Variants in LARGE1 observed in about 807,000 individuals in gnomAD.
LARGE1 encodes xylosyl- and glucuronyltransferase LARGE1.
LARGE1 carries 43 observed loss-of-function variants against 87.6 expected under a neutral mutation model. The observed-to-expected ratio is 0.49, with a 90% confidence interval of 0.38 to 0.63. LARGE1 has a LOEUF of 0.63. LARGE1 is among the 30% of genes least tolerant of loss of function. The pLI is 0.00. For synonymous variants in LARGE1, 434 were observed against 394.6 expected, an observed-to-expected ratio of 1.10 and a Z score of -1.18; for missense variants, 802 against 1,000.2, an observed-to-expected ratio of 0.80 and a Z score of 2.67.
chr22:33,119,334 T>TA, the LARGE1 span, among the ~76,000 whole-genome samples: 1,320 of 151,754 alleles, frequency 8.7e-3, 18 homozygotes, highest in African/African-American at 0.03. Flanking sequence ...CTTTTATATA[T>TA]TTTTTTTTAT....
chr22:33,166,521 T>C (rs986379062), exon 12 of LARGE1: 3 of 333,254 alleles, frequency 9.0e-6, no homozygotes, highest in Non-Finnish European at 1.8e-5. Flanking sequence ...ACCACGGGGA[T>C]GTTCACCTGG....
intron 1 of LARGE1, among the ~76,000 whole-genome samples, chr22:33,829,681 C>A (rs1009443462): frequency 6.6e-6 from 1 of 152,214 alleles, no homozygotes; most frequent in Non-Finnish European, 1.5e-5. Flanking sequence ...CCTCCTCCTC[C>A]CTGCACCTGC....
At chr22:33,652,639 C>G (rs1311909201) in intron 2 of LARGE1, among the ~76,000 whole-genome samples, 1 of 152,172 alleles carries the variant, frequency 6.6e-6, no homozygotes, top group African/African-American at 2.4e-5. Context: ...TTTTTCCATA[C>G]TTCAAGTTTT....
Position 33,274,008 on chromosome 22 carries a change from C to G in LARGE1, c.*419G>C, listed in dbSNP as rs1928648706. 1 of 336,322 alleles carries G rather than the reference C, an allele frequency of 3.0e-6. No individual in the cohort carries two copies. Among genetic ancestry groups the G allele is most frequent in the Non-Finnish European group, 5.4e-6 (1 of 185,000 alleles). The allele number at this position is 336,322 out of a possible 1,614,324, so 20.8% of individuals were successfully genotyped here. A position where few individuals can be genotyped will look rare whatever the true frequency, so the allele number is the denominator to read the frequency against. On this transcript the variant is annotated 3_prime_UTR_variant, in exon 15 of 15. Coordinates refer to ENST00000397394, the MANE Select transcript of LARGE1 (RefSeq NM_133642.5). ...TCACTTAATAAAGACAATTTCACTT[C>G]TATTTCCTGGGACGAATAACCCCTA...
At position 33,702,437 on chromosome 22, in the gene LARGE1, T is replaced by C. The variant is rs891527198; in HGVS notation, c.107-51769A>G. On this transcript the variant is annotated intron_variant, in intron 2 of 14. Transcript: ENST00000397394. ...TAGTTTTCAGGGCCTTGCCGAGAAATAGAAAAGAAAAGCAATATAAATGTT... is the reference window on the plus strand; with the variant it reads ...TAGTTTTCAGGGCCTTGCCGAGAAACAGAAAAGAAAAGCAATATAAATGTT... 1.1e-4 allele frequency among the ~76,000 whole-genome samples: 17 copies of C among 152,224 alleles called. 1 individual carries two copies. In the East Asian group the frequency reaches 3.3e-3, roughly 29 times the overall value.
chr22:33,326,243 TCTC>T (rs1937234746), intron 10 of LARGE1, among the ~76,000 whole-genome samples: 1 of 152,168 alleles, frequency 6.6e-6, no homozygotes. Context: ...AAAGGCTTGG[TCTC>T]CTCCCTCCCA....
chr22:33,612,309 G>C (rs1385051895), intron 4 of LARGE1, among the ~76,000 whole-genome samples: 1 of 152,102 alleles, frequency 6.6e-6, no homozygotes, highest in Non-Finnish European at 1.5e-5. Flanking sequence ...TCACCACATT[G>C]GCCAGGCTGG....
chr22:33,223,386 GCA>G (rs1925555199), intron 11 of LARGE1, among the ~76,000 whole-genome samples: 1 of 152,150 alleles, frequency 6.6e-6, no homozygotes, highest in African/African-American at 2.4e-5. Context: ...TTTGCTATAG[GCA>G]CCTTTTCTTC....
At chr22:33,217,120 C>T (rs1308249417) in intron 11 of LARGE1, among the ~76,000 whole-genome samples, 1 of 151,960 alleles carries the variant, frequency 6.6e-6, no homozygotes, top group African/African-American at 2.4e-5. Context: ...AAATGAAGCT[C>T]TCCCACATGT....
intron 2 of LARGE1, among the ~76,000 whole-genome samples, chr22:33,751,715 A>T (rs537081385): frequency 6.6e-6 from 1 of 151,294 alleles, no homozygotes; most frequent in South Asian, 2.1e-4. Context: ...CTCAATACTG[A>T]GAGTAATTTC....
At chr22:33,293,587 T>C (rs1473831769) in intron 12 of LARGE1, among the ~76,000 whole-genome samples, 3 of 152,176 alleles carry the variant, frequency 2.0e-5, no homozygotes, top group East Asian at 1.9e-4. Context: ...TTTGAGTTCA[T>C]GGGTCAAGGC....
At chr22:33,551,661 G>C (rs1005982872) in intron 6 of LARGE1, among the ~76,000 whole-genome samples, 1 of 152,130 alleles carries the variant, frequency 6.6e-6, no homozygotes, top group African/African-American at 2.4e-5. Context: ...CAAGGGATTT[G>C]TTTATTGCCT....
intron 6 of LARGE1, among the ~76,000 whole-genome samples, chr22:33,556,526 G>A (rs1361721911): frequency 1.2e-5 from 1 of 83,194 alleles, no homozygotes; most frequent in Non-Finnish European, 2.7e-5. Context: ...AAGGGAGGGA[G>A]GGAGGGAGGG....
chr22:33,341,154 C>G (rs1286031085), intron 9 of LARGE1, among the ~76,000 whole-genome samples: 1 of 151,956 alleles, frequency 6.6e-6, no homozygotes, highest in Non-Finnish European at 1.5e-5. Context: ...AAGGGAAGAA[C>G]CCTCGTGAGT....
chr22:33,541,195 A>G (rs2077195629), intron 6 of LARGE1, among the ~76,000 whole-genome samples: 1 of 36,838 alleles, frequency 2.7e-5, no homozygotes, highest in African/African-American at 1.7e-4. Flanking sequence ...AAGTGGGGGA[A>G]AAAAAGAAAA....
intron 9 of LARGE1, among the ~76,000 whole-genome samples, chr22:33,374,643 T>C (rs1409958953): frequency 1.3e-5 from 2 of 152,320 alleles, no homozygotes; most frequent in East Asian, 3.9e-4. Flanking sequence ...AAAGAATGTA[T>C]CTCTCATCTT....
chr22:33,094,772 G>A, the LARGE1 span, among the ~76,000 whole-genome samples: 1 of 152,190 alleles, frequency 6.6e-6, no homozygotes, highest in African/African-American at 2.4e-5. Flanking sequence ...AGGCTGGAGC[G>A]CAATGGCGCG....
rs1462949688 is a variant in LARGE1 at position 33,177,992 on chromosome 22, G to C, written c.1731-11160C>G. 7.2e-5 allele frequency among the ~76,000 whole-genome samples: 11 copies of C among 152,246 alleles called. No homozygotes were observed. The East Asian group carries it at 2.1e-3, about 29-fold the overall frequency. On this transcript the variant is annotated intron_variant, in intron 11 of 11. Transcript: ENST00000608642. ...TGCTACCTTGTGAAGAAGGTACCTT[G>C]CTTCTCCTTCACTTTCCGCCATGAT... is the stretch of plus-strand genomic sequence containing the variant.
chr22:33,395,712 T>C (rs577524138), intron 7 of LARGE1, among the ~76,000 whole-genome samples: 11 of 152,286 alleles, frequency 7.2e-5, no homozygotes, highest in African/African-American at 2.4e-4. Flanking sequence ...GATGACTCCT[T>C]TGAATGAGGT....
Sources: gnomAD v4.1 joint callset for allele counts (sites outside exome capture counted in the v4.1 genomes callset) on GRCh38, gnomAD v4.1.1 for gene constraint, MANE v1.5 for transcripts, NCBI Gene and HGNC (gene_info 2026-07-23, HGNC 2026-07-21) for gene names.